Variants in APBB1IP observed in about 807,000 individuals in gnomAD.
APBB1IP encodes the protein amyloid beta A4 precursor protein-binding family B member 1-interacting protein.
APBB1IP carries 27 observed loss-of-function variants against 64.9 expected under a neutral mutation model. That is an observed-to-expected ratio of 0.42 (90% CI 0.31 to 0.57). The LOEUF (loss-of-function observed/expected upper bound fraction) is 0.57, where lower values mean the gene tolerates loss of function less well. Ranked by LOEUF, APBB1IP falls within the 20% of genes least tolerant of loss-of-function variation. The pLI, the probability that APBB1IP is intolerant of heterozygous loss-of-function variation, is 0.20. For synonymous variants in APBB1IP, 392 were observed against 331.0 expected, an observed-to-expected ratio of 1.18 and a Z score of -2.00; for missense variants, 812 against 845.5, an observed-to-expected ratio of 0.96 and a Z score of 0.49.
Position 26,496,312 on chromosome 10 carries a change from A to T in APBB1IP, c.81A>T (p.Gly27=), listed in dbSNP as rs200343167. 1 of 1,612,000 alleles carries T rather than the reference A, an allele frequency of 6.2e-7. No individual in the cohort carries two copies. Among genetic ancestry groups the T allele is most frequent in the Non-Finnish European group, 8.5e-7 (1 of 1,178,452 alleles). The change falls in exon 4 of 15, where the codon GGA becomes GGT. Residue 27 remains glycine (G), a synonymous_variant. Coordinates refer to ENST00000376236, the MANE Select transcript of APBB1IP (RefSeq NM_019043.4). ...GEMDLLTQSL[G]VDTLPPPDPN... ...GGGATCTTTTTTCACAGAGTTTAGG[A>T]GTTGACACTCTCCCTCCTCCTGACC...
intron 12 of APBB1IP, 55 bp downstream of exon 12, chr10:26,560,258 C>T: frequency 2.7e-6 from 4 of 1,503,108 alleles, no homozygotes; most frequent in Admixed American, 3.3e-5. Context: ...AACTTCCTGA[C>T]CTGGGCACAG....
chr10:26,558,126 CACACACACACACAA>C (rs1479527032), intron 11 of APBB1IP, among the ~76,000 whole-genome samples: 1 of 99,746 alleles, frequency 1.0e-5, no homozygotes, highest in Non-Finnish European at 2.0e-5. Context: ...GGTACCATAC[CACACACACACACAA>C]ACACACACAC....
At chr10:26,491,879 A>T (rs1477748896) in intron 2 of APBB1IP, among the ~76,000 whole-genome samples, 2 of 149,864 alleles carry the variant, frequency 1.3e-5, no homozygotes, top group Non-Finnish European at 2.9e-5. Flanking sequence ...TTCCTGCCTC[A>T]GCCTCCCGAG....
chr10:26,464,326 C>T (rs928163635), intron 2 of APBB1IP, among the ~76,000 whole-genome samples: 2 of 152,186 alleles, frequency 1.3e-5, no homozygotes, highest in African/African-American at 2.4e-5. Context: ...TAATACCCAC[C>T]TATATGCAAA....
intron 10 of APBB1IP, among the ~76,000 whole-genome samples, chr10:26,537,255 T>A (rs534437932): frequency 6.6e-6 from 1 of 152,238 alleles, no homozygotes; most frequent in African/African-American, 2.4e-5. Context: ...GCACCACCAA[T>A]GGTATATTCA....
chr10:26,468,674 C>T (rs1835675829), intron 2 of APBB1IP, among the ~76,000 whole-genome samples: 1 of 152,148 alleles, frequency 6.6e-6, no homozygotes, highest in Non-Finnish European at 1.5e-5. Context: ...ATTAGTTTTG[C>T]ACCAACCTAA....
chr10:26,493,002 A>AC (rs1408593907), intron 3 of APBB1IP, among the ~76,000 whole-genome samples: 5 of 151,876 alleles, frequency 3.3e-5, no homozygotes, highest in South Asian at 2.1e-4. Flanking sequence ...TAAGGCAGAC[A>AC]CCCCCAGAGC....
In APBB1IP at chr10:26,443,891, C is replaced by T. The variant is rs181433686; in HGVS notation, c.-1+5038C>T. ...TTTTCAGTCAAAAATGTTTGCTAAG[C>T]ACTATTATAGACGCAAGGAATGTCA... On this transcript the variant is annotated intron_variant, in intron 2 of 14. Transcript: ENST00000376236. 7.4e-4 allele frequency among the ~76,000 whole-genome samples: 113 copies of T among 152,210 alleles called. No individual in the cohort carries two copies. The East Asian group carries it at 0.018, about 25-fold the overall frequency.
rs957898105 is a variant in APBB1IP, at chr10:26,567,321, C to G, written c.1834C>G (p.Pro612Ala). The G allele has an allele frequency of 1.7e-5, 22 of 1,270,052 alleles. No homozygotes were observed. Among genetic ancestry groups the G allele is most frequent in the Non-Finnish European group, 2.2e-5 (22 of 990,482 alleles). 78.7% of individuals were successfully genotyped at this position (1,270,052 alleles called of 1,614,324 possible). A position where few individuals can be genotyped will look rare whatever the true frequency, so the allele number is the denominator to read the frequency against. ...PPPPPAPAPA[P>A]VPDSARPPPA... ...GCCGCCGCCCGCGCCCGCGCCCGCC[C>G]CCGTCCCCGACTCCGCCAGGCCGCC... Residue 612 changes from proline to alanine, a missense_variant, in exon 15 of 15, where the codon CCC becomes GCC. This residue lies in a region of APBB1IP where 381 missense variants were observed against 352.1 expected (regional missense o/e 1.08). Transcript: ENST00000376236.
chr10:26,447,588 G>A (rs1037937721), intron 2 of APBB1IP, among the ~76,000 whole-genome samples: 2 of 152,136 alleles, frequency 1.3e-5, no homozygotes, highest in East Asian at 1.9e-4. Flanking sequence ...ACATATTTGA[G>A]TCAAATACTG....
intron 6 of APBB1IP, 135 bp downstream of exon 6, chr10:26,503,409 G>A: frequency 2.7e-6 from 2 of 752,356 alleles, no homozygotes; most frequent in Non-Finnish European, 4.2e-6. Flanking sequence ...GACAAGGTGG[G>A]TGGATCATGA....
intron 8 of APBB1IP, among the ~76,000 whole-genome samples, chr10:26,526,025 GAGA>G (rs1387979156): frequency 6.6e-6 from 1 of 152,156 alleles, no homozygotes; most frequent in Non-Finnish European, 1.5e-5. Context: ...ACCTGCTTCA[GAGA>G]AGGACAGGAA....
chr10:26,490,532 C>T (rs1249324801), intron 2 of APBB1IP, among the ~76,000 whole-genome samples: 1 of 151,898 alleles, frequency 6.6e-6, no homozygotes, highest in African/African-American at 2.4e-5. Flanking sequence ...GGCTGAGGCA[C>T]GAGAGTTGCT....
At chr10:26,449,313 C>CTG (rs972362826) in intron 2 of APBB1IP, among the ~76,000 whole-genome samples, 5 of 151,794 alleles carry the variant, frequency 3.3e-5, no homozygotes, top group African/African-American at 4.8e-5. Context: ...GTGTGTATAT[C>CTG]TGTGTGTGTG....
At chr10:26,462,141 A>C (rs541308219) in intron 2 of APBB1IP, among the ~76,000 whole-genome samples, 2 of 152,330 alleles carry the variant, frequency 1.3e-5, no homozygotes, top group South Asian at 4.1e-4. Flanking sequence ...GGTTCTGACA[A>C]AGACCATCTG....
chr10:26,494,086 C>T (rs1835991223), intron 3 of APBB1IP, among the ~76,000 whole-genome samples: 3 of 152,300 alleles, frequency 2.0e-5, no homozygotes, highest in Non-Finnish European at 4.4e-5. Flanking sequence ...TTTACCAACC[C>T]TTGAGGAAAT....
At chr10:26,507,099 C>G (rs1258305151) in intron 6 of APBB1IP, among the ~76,000 whole-genome samples, 1 of 152,054 alleles carries the variant, frequency 6.6e-6, no homozygotes, top group Non-Finnish European at 1.5e-5. Context: ...GACACAGGGT[C>G]TCATAGGCCC....
chr10:26,522,194 G>GT (rs1836410999), intron 8 of APBB1IP, among the ~76,000 whole-genome samples: 3 of 124,642 alleles, frequency 2.4e-5, no homozygotes, highest in Non-Finnish European at 3.4e-5. Context: ...ACATGAATAA[G>GT]TTTTTATTTT....
At chr10:26,542,281 C>A (rs1213922580) in intron 11 of APBB1IP, among the ~76,000 whole-genome samples, 1 of 152,138 alleles carries the variant, frequency 6.6e-6, no homozygotes, top group East Asian at 1.9e-4. Flanking sequence ...CTTAGCCTCT[C>A]AAGTATCTGG....
Sources: allele counts gnomAD v4.1 joint callset (sites outside exome capture counted in the v4.1 genomes callset), GRCh38; gene constraint gnomAD v4.1.1; regional missense constraint gnomAD v4.1.1; transcripts MANE v1.5; gene names NCBI Gene and HGNC (gene_info 2026-07-23, HGNC 2026-07-21).